Variants in MGST1 observed in about 807,000 individuals in gnomAD.
MGST1 encodes the protein microsomal glutathione S-transferase 1.
A neutral mutation model predicts 8.9 loss-of-function variants in MGST1; 5 were observed. The ratio of observed to expected loss-of-function variants is 0.56; its 90% confidence interval spans 0.29 to 1.19. The LOEUF (loss-of-function observed/expected upper bound fraction) is 1.19. Among genes scored for constraint, MGST1 ranks in the 50% most tolerant of loss-of-function variants. The probability of loss-of-function intolerance (pLI) is 0.08; values close to 1 mark genes in which losing one functional copy is unlikely to be tolerated. For synonymous variants in MGST1, 54 were observed against 67.8 expected (o/e 0.80, Z 1.00); for missense variants, 182 against 187.4 (o/e 0.97, Z 0.17).
intron 1 of MGST1, among the ~76,000 whole-genome samples, chr12:16,386,785 T>C (rs1197381441): frequency 1.3e-5 from 2 of 152,148 alleles, no homozygotes; most frequent in Non-Finnish European, 2.9e-5. Flanking sequence ...TTTCCAGAAA[T>C]AAGCAACTCG....
At chr12:16,588,198 T>C (rs1163343304) in intron 4 of MGST1, among the ~76,000 whole-genome samples, 2 of 151,988 alleles carry the variant, frequency 1.3e-5, no homozygotes, top group African/African-American at 2.4e-5. Flanking sequence ...TTAAACATTG[T>C]TTTCATAATT....
rs147321783 is a variant in MGST1, at chr12:16,503,641, G to T, written n.483-85887G>T. 3.4e-3 allele frequency among the ~76,000 whole-genome samples: 522 copies of T among 152,232 alleles called. 3 individuals carry two copies. Among genetic ancestry groups the T allele is most frequent in the African/African-American group, 0.012 (507 of 41,546 alleles). ...GTAGGGCTTGAACCCCAGACCGAAA[G>T]GAGGGCTAGTTGAAATAGGGATAGG... On this transcript the variant is annotated intron_variant and non_coding_transcript_variant, in intron 4 of 4. Coordinates refer to the MGST1 transcript ENST00000538857. The surrounding 1 kb of genome is among the most constrained non-coding windows in gnomAD (Gnocchi z 4.8).
chr12:16,449,836 T>C (rs1251377811), intron 4 of MGST1, among the ~76,000 whole-genome samples: 1 of 151,954 alleles, frequency 6.6e-6, no homozygotes, highest in African/African-American at 2.4e-5. Context: ...CTTCATTAGT[T>C]AACAGTGAGA....
chr12:16,536,447 A>C (rs1033827199), intron 4 of MGST1, among the ~76,000 whole-genome samples: 3 of 152,202 alleles, frequency 2.0e-5, no homozygotes, highest in African/African-American at 7.2e-5. Flanking sequence ...GAGAGAAGTA[A>C]AGACAGTAAA....
intron 4 of MGST1, among the ~76,000 whole-genome samples, chr12:16,499,916 C>T (rs898543806): frequency 6.6e-6 from 1 of 151,872 alleles, no homozygotes; most frequent in Non-Finnish European, 1.5e-5. Flanking sequence ...GTTTTTAAAA[C>T]AAATCGGTCA....
At chr12:16,388,985 G>A (rs1940527556) in intron 1 of MGST1, among the ~76,000 whole-genome samples, 1 of 152,232 alleles carries the variant, frequency 6.6e-6, no homozygotes, top group Non-Finnish European at 1.5e-5. Flanking sequence ...GGAAGCAACA[G>A]CAATAGAGAA....
intron 4 of MGST1, among the ~76,000 whole-genome samples, chr12:16,499,649 T>C (rs1941492585): frequency 6.6e-6 from 1 of 152,106 alleles, no homozygotes; most frequent in African/African-American, 2.4e-5. Flanking sequence ...AAGAGTTTTT[T>C]TTTTTCTCTC....
At chr12:16,495,129 A>G (rs889986674) in intron 4 of MGST1, among the ~76,000 whole-genome samples, 1 of 152,188 alleles carries the variant, frequency 6.6e-6, no homozygotes, top group Non-Finnish European at 1.5e-5. Flanking sequence ...TACAATGTCC[A>G]GGATAACAAA....
Position 16,400,587 on chromosome 12 carries a change from T to C in MGST1, n.778+16983T>C, listed in dbSNP as rs1031631664. On this transcript the variant is annotated intron_variant and non_coding_transcript_variant, in intron 1 of 1. Transcript: ENST00000359720. Reference sequence around the variant, plus strand: ...GGAAAGCATTCTGAAGGTTCAAGGCTGGTACTGTCTGTTCCCCGGTCATCG... The same window carrying C: ...GGAAAGCATTCTGAAGGTTCAAGGCCGGTACTGTCTGTTCCCCGGTCATCG... The C allele has an allele frequency of 1.6e-5, 16 of 992,616 alleles. No individual in the cohort carries two copies. The African/African-American group carries it at 2.2e-4, about 14-fold the overall frequency. 61.5% of individuals were successfully genotyped at this position (992,616 alleles called of 1,614,324 possible). A position where few individuals can be genotyped will look rare whatever the true frequency, so the allele number is the denominator to read the frequency against.
At chr12:16,514,619 C>T (rs1941599621) in intron 4 of MGST1, among the ~76,000 whole-genome samples, 1 of 149,698 alleles carries the variant, frequency 6.7e-6, no homozygotes, top group African/African-American at 2.4e-5. Flanking sequence ...CAGGGGTCAC[C>T]TCCAGCAATG....
chr12:16,518,405 G>A (rs1401890994), intron 4 of MGST1, among the ~76,000 whole-genome samples: 3 of 152,074 alleles, frequency 2.0e-5, no homozygotes, highest in Admixed American at 6.5e-5. Flanking sequence ...ATCTAATATA[G>A]TTCTCCTATC....
At position 16,478,763 on chromosome 12, in the gene MGST1, C is replaced by A. The variant is rs970389869; in HGVS notation, n.482+95159C>A. Among the ~76,000 whole-genome samples the A allele has an allele frequency of 1.3e-5, 2 of 151,974 alleles. 1 individual carries two copies. The highest frequency in any genetic ancestry group is 1.3e-4 in the Admixed American group (2 of 15,204). On this transcript the variant is annotated intron_variant and non_coding_transcript_variant, in intron 4 of 4. Coordinates refer to the MGST1 transcript ENST00000538857. ...CCCTCAAAAAAACAAAATAATTAAA[C>A]TTTTAAGGATTTCATCCTTGAGTCT...
intron 4 of MGST1, among the ~76,000 whole-genome samples, chr12:16,454,942 G>C (rs796871816): frequency 1.3e-5 from 2 of 148,846 alleles, no homozygotes; most frequent in South Asian, 4.2e-4. Flanking sequence ...GGGCAGGACA[G>C]TGTCAGATAT....
At chr12:16,452,751 A>G (rs1941140024) in intron 4 of MGST1, among the ~76,000 whole-genome samples, 1 of 151,904 alleles carries the variant, frequency 6.6e-6, no homozygotes, top group Admixed American at 6.6e-5. Flanking sequence ...GTTTTAAAAA[A>G]TATTCTGAAG....
intron 4 of MGST1, among the ~76,000 whole-genome samples, chr12:16,526,286 T>C (rs972415696): frequency 6.6e-6 from 1 of 151,990 alleles, no homozygotes; most frequent in Non-Finnish European, 1.5e-5. Context: ...ATTTTTTAAG[T>C]AATAAAGTTA....
At chr12:16,421,709 G>A (rs192055590) in intron 1 of MGST1, among the ~76,000 whole-genome samples, 11 of 152,230 alleles carry the variant, frequency 7.2e-5, no homozygotes, top group African/African-American at 2.4e-4. Context: ...TTTCCTTTCT[G>A]TAAAGTGGGT....
chr12:16,515,921 C>A (rs1471068305), intron 4 of MGST1, among the ~76,000 whole-genome samples: 2 of 152,148 alleles, frequency 1.3e-5, no homozygotes, highest in African/African-American at 4.8e-5. Context: ...GCCAGCTGGG[C>A]TCAGGCTTCA....
At chr12:16,452,293 A>G (rs935442922) in intron 4 of MGST1, among the ~76,000 whole-genome samples, 1 of 151,558 alleles carries the variant, frequency 6.6e-6, no homozygotes, top group Non-Finnish European at 1.5e-5. Context: ...AGAGAACCCT[A>G]TGTTTTTGTA....
Position 16,455,444 on chromosome 12 carries a change from CT to C in MGST1, n.482+71850del, listed in dbSNP as rs371179137. Among the ~76,000 whole-genome samples the C allele has an allele frequency of 6.2e-3, 918 of 148,074 alleles. 11 individuals carry two copies. Among genetic ancestry groups the C allele is most frequent in the African/African-American group, 0.019 (781 of 40,548 alleles). On this transcript the variant is annotated intron_variant and non_coding_transcript_variant, in intron 4 of 4. Coordinates refer to the MGST1 transcript ENST00000538857. ...ATGTTATAAGAAGGAATTTAGTTCACTTTTTTTTTTCACCTAGCACAGCACT... is the reference window on the plus strand; with the variant it reads ...ATGTTATAAGAAGGAATTTAGTTCACTTTTTTTTTCACCTAGCACAGCACT...
Sources: allele counts gnomAD v4.1 joint callset (sites outside exome capture counted in the v4.1 genomes callset), GRCh38; gene constraint gnomAD v4.1.1; non-coding constraint Gnocchi (gnomAD v3.1); transcripts MANE v1.5; gene names NCBI Gene and HGNC (gene_info 2026-07-23, HGNC 2026-07-21).